Variants in PLEKHD1 observed in about 807,000 individuals in gnomAD.
The protein encoded by PLEKHD1 is pleckstrin homology domain-containing family D member 1.
Under a neutral mutation model 69.2 loss-of-function variants are expected in PLEKHD1, and 51 were observed. The observed-to-expected ratio is 0.74, with a 90% confidence interval of 0.59 to 0.93. The LOEUF (loss-of-function observed/expected upper bound fraction) is 0.93. Ranked by LOEUF, PLEKHD1 falls within the 40% of genes least tolerant of loss-of-function variation. PLEKHD1 has a pLI of 0.00. For synonymous variants in PLEKHD1, 236 were observed against 244.7 expected (o/e 0.96, Z 0.33); for missense variants, 584 against 641.0 (o/e 0.91, Z 0.96).
chr14:69,527,171 C>G lies in PLEKHD1; in HGVS notation c.1057-17C>G. 1 of 1,518,068 alleles carries G rather than the reference C, an allele frequency of 6.6e-7. No individual in the cohort carries two copies. The highest frequency in any genetic ancestry group is 8.8e-7 in the Non-Finnish European group (1 of 1,133,742). 94.0% of individuals were successfully genotyped at this position (1,518,068 alleles called of 1,614,324 possible). On this transcript the variant is annotated splice_polypyrimidine_tract_variant and intron_variant, in intron 10 of 12. Coordinates refer to ENST00000322564, the MANE Select transcript of PLEKHD1 (RefSeq NM_001161498.2). ...CAGGACCTGACTTCCTTCTCATTTC[C>G]CTCTCCTCAACCTCAGGCTGAGGTG...
At chr14:69,475,026 C>T in the PLEKHD1 span, among the ~76,000 whole-genome samples, 1 of 152,126 alleles carries the variant, frequency 6.6e-6, no homozygotes, top group South Asian at 2.1e-4. Flanking sequence ...TGGTTAGCTC[C>T]CTTTTGATAT....
intron 6 of PLEKHD1, among the ~76,000 whole-genome samples, chr14:69,514,299 A>G (rs1235112970): frequency 6.6e-6 from 1 of 151,342 alleles, no homozygotes; most frequent in Non-Finnish European, 1.5e-5. Flanking sequence ...AGTTTTGGAA[A>G]TTTCTATTGT....
intron 1 of PLEKHD1, among the ~76,000 whole-genome samples, chr14:69,488,650 T>A (rs922278736): frequency 1.3e-5 from 2 of 152,090 alleles, no homozygotes; most frequent in African/African-American, 2.4e-5. Context: ...TCTGCTAATG[T>A]GTGTGGGAAG....
rs2139487665 is a variant in PLEKHD1, at chr14:69,484,850, C to T, written c.-116C>T. On this transcript the variant is annotated 5_prime_UTR_variant, in exon 1 of 13. Coordinates refer to ENST00000322564, the MANE Select transcript of PLEKHD1 (RefSeq NM_001161498.2). ...TGCTGCAGCTCCGGGCCGGGCCGCT[C>T]TGCTTCTCTGCTCGCTGGGACGCTC... The T allele has an allele frequency of 1.6e-6, 2 of 1,288,486 alleles. No individual in the cohort carries two copies. The highest frequency in any genetic ancestry group is 2.6e-5 in the East Asian group (1 of 39,184). The allele number at this position is 1,288,486 out of a possible 1,614,324, so 79.8% of individuals were successfully genotyped here.
rs201092988 is a variant in PLEKHD1 at position 69,498,032 on chromosome 14, GTTTTA to G, written c.150-2059_150-2055del. On this transcript the variant is annotated intron_variant, in intron 1 of 12. Coordinates refer to ENST00000322564, the MANE Select transcript of PLEKHD1 (RefSeq NM_001161498.2). Reference sequence around the variant, plus strand: ...CAAGACCCTGTTTCTATTTTATTTTGTTTTATTTTATTTTATTTTATTTTATTTAT... The same window carrying G: ...CAAGACCCTGTTTCTATTTTATTTTGTTTTATTTTATTTTATTTTATTTAT... Among the ~76,000 whole-genome samples the G allele has an allele frequency of 8.5e-4, 117 of 137,088 alleles. 1 individual carries two copies. Among genetic ancestry groups the G allele is most frequent in the African/African-American group, 2.0e-3 (74 of 37,336 alleles). 89.9% of individuals were successfully genotyped at this position (137,088 alleles called of 152,430 possible).
chr14:69,515,675 C>CAGAGCA (rs1459858796), intron 6 of PLEKHD1, among the ~76,000 whole-genome samples: 1 of 152,122 alleles, frequency 6.6e-6, no homozygotes. Context: ...GTCACATGAC[C>CAGAGCA]AGAGCAGGAG....
chr14:69,481,856 T>A (rs1002611670), upstream of PLEKHD1, among the ~76,000 whole-genome samples: 7 of 152,188 alleles, frequency 4.6e-5, no homozygotes, highest in African/African-American at 1.7e-4. Context: ...CCTGGCAAGA[T>A]TGGGCGGCCC....
chr14:69,497,190 G>C (rs532896970), intron 1 of PLEKHD1, among the ~76,000 whole-genome samples: 13 of 152,186 alleles, frequency 8.5e-5, no homozygotes, highest in Non-Finnish European at 1.9e-4. Context: ...ACCGCATAAG[G>C]TAGTTGTTAT....
chr14:69,527,663 C>G, intron 11 of PLEKHD1, 120 bp from the exon 12 acceptor site: 1 of 1,320,874 alleles, frequency 7.6e-7, no homozygotes, highest in Non-Finnish European at 1.0e-6. Flanking sequence ...GCTCTGGAAT[C>G]TCGAGGGACG....
intron 8 of PLEKHD1, among the ~76,000 whole-genome samples, chr14:69,524,906 C>G (rs1883607684): frequency 6.6e-6 from 1 of 152,204 alleles, no homozygotes; most frequent in South Asian, 2.1e-4. Flanking sequence ...CTCCCAACCC[C>G]TGCTCCAAAC....
chr14:69,488,229 TTATC>T (rs1882697602), intron 1 of PLEKHD1, among the ~76,000 whole-genome samples: 2 of 152,184 alleles, frequency 1.3e-5, no homozygotes, highest in Non-Finnish European at 2.9e-5. Flanking sequence ...TGTGTAAAGA[TTATC>T]TGTGCAGATG....
chr14:69,501,402 C>A, intron 4 of PLEKHD1: 1 of 321,444 alleles, frequency 3.1e-6, no homozygotes, highest in South Asian at 4.4e-5. Context: ...CGACCGTGTG[C>A]TCTGTGGCAG....
At chr14:69,527,454 T>G (rs1883682104) in intron 11 of PLEKHD1, 122 bp downstream of exon 11, 4 of 1,388,296 alleles carry the variant, frequency 2.9e-6, no homozygotes, top group Non-Finnish European at 3.9e-6. Context: ...CCCTGGATAT[T>G]GAAGGGTTTC....
chr14:69,513,244 T>TAAAATAAAATAAAATAATAAAATAA (rs1440419045), intron 6 of PLEKHD1, among the ~76,000 whole-genome samples: 219 of 149,970 alleles, frequency 1.5e-3, no homozygotes, highest in African/African-American at 5.2e-3. Context: ...TAAAATAAAA[T>TAAAATAAAATAAAATAATAAAATAA]AATAAAATAA....
At chr14:69,496,016 A>T (rs567421084) in intron 1 of PLEKHD1, among the ~76,000 whole-genome samples, 1 of 152,252 alleles carries the variant, frequency 6.6e-6, no homozygotes, top group South Asian at 2.1e-4. Context: ...AGTGCTTGGC[A>T]CACAGTGGCA....
At chr14:69,475,492 A>G in the PLEKHD1 span, among the ~76,000 whole-genome samples, 2 of 152,196 alleles carry the variant, frequency 1.3e-5, no homozygotes, top group Admixed American at 6.5e-5. Context: ...TGCATTGGCA[A>G]CATTGGGTGT....
chr14:69,471,859 A>G, the PLEKHD1 span, among the ~76,000 whole-genome samples: 3 of 152,200 alleles, frequency 2.0e-5, no homozygotes, highest in Non-Finnish European at 2.9e-5. Context: ...CTTCTCCTTC[A>G]TAATCCACAT....
chr14:69,524,467 C>A (rs1479927302), intron 8 of PLEKHD1, 145 bp downstream of exon 8: 8 of 680,746 alleles, frequency 1.2e-5, no homozygotes, highest in Non-Finnish European at 2.0e-5. Context: ...AGGGTCTCTT[C>A]TCTATGGATC....
At chr14:69,526,893 G>A (rs975903226) in intron 10 of PLEKHD1, 64 bp downstream of exon 10, 2 of 1,461,494 alleles carry the variant, frequency 1.4e-6, no homozygotes, top group Admixed American at 2.6e-5. Flanking sequence ...TTCCACCCCT[G>A]CACTTTACCG....
Sources: allele counts gnomAD v4.1 joint callset (sites outside exome capture counted in the v4.1 genomes callset), GRCh38; gene constraint gnomAD v4.1.1; transcripts MANE v1.5; gene names NCBI Gene and HGNC (gene_info 2026-07-23, HGNC 2026-07-21).